TASP1: variants seen among roughly 807,000 people sequenced by gnomAD.
The protein encoded by TASP1 is threonine aspartase 1.
Under a neutral mutation model 56.6 loss-of-function variants are expected in TASP1, and 16 were observed. That is an observed-to-expected ratio of 0.28 (90% CI 0.19 to 0.43). The LOEUF (loss-of-function observed/expected upper bound fraction) is 0.43, where lower values mean the gene tolerates loss of function less well. TASP1 is among the 20% of genes least tolerant of loss of function. TASP1 has a pLI of 1.00. For synonymous variants in TASP1, 179 were observed against 184.2 expected, an observed-to-expected ratio of 0.97 and a Z score of 0.23; for missense variants, 393 against 511.6, an observed-to-expected ratio of 0.77 and a Z score of 2.24.
At chr20:13,143,507 A>T in the TASP1 span, among the ~76,000 whole-genome samples, 2 of 152,198 alleles carry the variant, frequency 1.3e-5, no homozygotes, top group African/African-American at 4.8e-5. Context: ...AAGAGGAAGT[A>T]CCTTGCCCAA....
At chr20:13,183,752 G>A in the TASP1 span, among the ~76,000 whole-genome samples, 202 of 152,262 alleles carry the variant, frequency 1.3e-3, no homozygotes, top group African/African-American at 4.4e-3. Flanking sequence ...ATAGTGGACC[G>A]GGCGTGGTGG....
At chr20:13,306,304 G>C in the TASP1 span, among the ~76,000 whole-genome samples, 1 of 151,996 alleles carries the variant, frequency 6.6e-6, no homozygotes, top group African/African-American at 2.4e-5. Context: ...TTTCACAAAG[G>C]TCATAGCTAA....
the TASP1 span, among the ~76,000 whole-genome samples, chr20:13,171,249 G>A: frequency 9.5e-4 from 144 of 151,978 alleles, no homozygotes; most frequent in Middle Eastern, 0.014. Flanking sequence ...TTAAAAAAAC[G>A]TTATACATGT....
At chr20:13,628,891 T>C (rs145337970) in intron 2 of TASP1, among the ~76,000 whole-genome samples, 11 of 152,338 alleles carry the variant, frequency 7.2e-5, no homozygotes, top group African/African-American at 2.4e-4. Flanking sequence ...AACTCCACTG[T>C]GTCTGTCCTC....
chr20:13,519,752 G>C (rs1372433258), intron 10 of TASP1, among the ~76,000 whole-genome samples: 7 of 152,144 alleles, frequency 4.6e-5, no homozygotes, highest in Non-Finnish European at 1.0e-4. Context: ...ATTTAACATA[G>C]TGTTGGAAGT....
chr20:13,515,470 T>G (rs1315384559), intron 10 of TASP1, among the ~76,000 whole-genome samples: 1 of 149,938 alleles, frequency 6.7e-6, no homozygotes, highest in Non-Finnish European at 1.5e-5. Context: ...TGCGAAAATG[T>G]AGAATCCCAA....
chr20:13,590,372 G>A (rs559130998), intron 4 of TASP1, among the ~76,000 whole-genome samples: 31 of 152,102 alleles, frequency 2.0e-4, no homozygotes, highest in Admixed American at 1.3e-3. Flanking sequence ...AAGGATGTAC[G>A]GACATGCAAG....
chr20:13,330,803 G>T, the TASP1 span, among the ~76,000 whole-genome samples: 186 of 152,184 alleles, frequency 1.2e-3, no homozygotes, highest in Non-Finnish European at 2.3e-3. Context: ...ATGCACTGAG[G>T]TGTTCATAGT....
rs143632246 is a variant in TASP1 at position 13,406,548 on chromosome 20, G to C, written c.1170+10900C>G. 4.5e-3 allele frequency among the ~76,000 whole-genome samples: 689 copies of C among 152,220 alleles called. 4 individuals are homozygous for C. Among genetic ancestry groups the C allele is most frequent in the African/African-American group, 0.015 (615 of 41,532 alleles). On this transcript the variant is annotated intron_variant, in intron 13 of 13. Transcript: ENST00000337743. Reference sequence around the variant, plus strand: ...CCCTCTTTGTCTGTTGTCAGTGTTAGAAAGAAAGTGTTCAGTGTTTCACCA... The same window carrying C: ...CCCTCTTTGTCTGTTGTCAGTGTTACAAAGAAAGTGTTCAGTGTTTCACCA...
chr20:13,484,387 G>A (rs2043247253), intron 10 of TASP1, among the ~76,000 whole-genome samples: 1 of 152,166 alleles, frequency 6.6e-6, no homozygotes, highest in South Asian at 2.1e-4. Context: ...CTTCACAATA[G>A]CAAAGACTTG....
the TASP1 span, among the ~76,000 whole-genome samples, chr20:13,213,986 G>T: frequency 3.9e-5 from 6 of 152,204 alleles, no homozygotes; most frequent in Non-Finnish European, 7.3e-5. Flanking sequence ...GACTGTTGAA[G>T]ACCGAAGGTG....
intron 7 of TASP1, among the ~76,000 whole-genome samples, chr20:13,562,244 A>C (rs1174058002): frequency 6.6e-6 from 1 of 152,164 alleles, no homozygotes; most frequent in African/African-American, 2.4e-5. Flanking sequence ...CAAAACTTAC[A>C]AAGTACATCA....
chr20:13,146,759 T>C, the TASP1 span, among the ~76,000 whole-genome samples: 1 of 152,212 alleles, frequency 6.6e-6, no homozygotes, highest in Non-Finnish European at 1.5e-5. Flanking sequence ...GCCTTGCTCC[T>C]GTACATAGTG....
rs904200599 is a variant in TASP1, at chr20:13,534,116, G to A, written c.701C>T (p.Thr234Met). 1.9e-6 allele frequency: 3 copies of A among 1,613,480 alleles called. No individual in the cohort carries two copies. Among genetic ancestry groups the A allele is most frequent in the Non-Finnish European group, 2.5e-6 (3 of 1,179,646 alleles). The part of the protein sequence containing the change: ...EKENDSGTLD[T>M]VGAVVVDHEG... ...GTGGTCCACAACCACAGCGCCTACC[G>A]TGTCCAAAGTGCCTGAGTCATTTTC... is the stretch of plus-strand genomic sequence containing the variant. Residue 234 changes from threonine (T) to methionine (M), a missense_variant, in exon 9 of 14, where the codon ACG becomes ATG. Physicochemically the swap from Thr to Met is moderately conservative, Grantham distance 81. This residue lies in a region of TASP1 where 293 missense variants were observed against 354.2 expected (regional missense o/e 0.83). Coordinates refer to ENST00000337743, the MANE Select transcript of TASP1 (RefSeq NM_017714.3).
chr20:13,344,742 T>A, the TASP1 span, among the ~76,000 whole-genome samples: 161 of 152,280 alleles, frequency 1.1e-3, no homozygotes, highest in African/African-American at 3.7e-3. Context: ...CCGAGGGCCT[T>A]GTATTCCCAA....
the TASP1 span, among the ~76,000 whole-genome samples, chr20:13,266,727 C>G: frequency 6.6e-6 from 1 of 152,176 alleles, no homozygotes; most frequent in Admixed American, 6.5e-5. Flanking sequence ...CCTTAAATTC[C>G]CAGACTTTCC....
At chr20:13,491,128 G>A (rs1158898559) in intron 10 of TASP1, among the ~76,000 whole-genome samples, 2 of 152,118 alleles carry the variant, frequency 1.3e-5, no homozygotes, top group African/African-American at 4.8e-5. Context: ...TTCAAATCAA[G>A]CTAAGCCTTT....
intron 1 of TASP1, among the ~76,000 whole-genome samples, chr20:13,636,818 A>G (rs948986508): frequency 8.5e-5 from 13 of 152,222 alleles, no homozygotes; most frequent in African/African-American, 2.9e-4. Context: ...GGATAGCCAC[A>G]TGCAATAGAA....
intron 1 of TASP1, among the ~76,000 whole-genome samples, chr20:13,630,431 G>A (rs1044994050): frequency 3.3e-5 from 5 of 152,210 alleles, no homozygotes; most frequent in East Asian, 1.9e-4. Context: ...GCTTACACCT[G>A]TAATCCCAGC....
Sources: gnomAD v4.1 joint callset for allele counts (sites outside exome capture counted in the v4.1 genomes callset) on GRCh38, gnomAD v4.1.1 for gene constraint, gnomAD v4.1.1 regional missense constraint, MANE v1.5 for transcripts, NCBI Gene and HGNC (gene_info 2026-07-23, HGNC 2026-07-21) for gene names.